Variants in CCDC192 observed in about 807,000 individuals in gnomAD.
The protein encoded by CCDC192 is coiled-coil domain-containing protein 192.
intron 3 of CCDC192, among the ~76,000 whole-genome samples, chr5:127,756,111 C>T (rs915373278): frequency 3.3e-5 from 5 of 150,472 alleles, no homozygotes; most frequent in South Asian, 4.2e-4. Context: ...CCAGCCTGGG[C>T]GACAGAGCCA....
chr5:127,713,314 A>G (rs947843610), intron 2 of CCDC192, among the ~76,000 whole-genome samples: 1 of 152,050 alleles, frequency 6.6e-6, no homozygotes, highest in African/African-American at 2.4e-5. Context: ...CTTAATAGCT[A>G]ATGGTGTTGA....
intron 5 of CCDC192, among the ~76,000 whole-genome samples, chr5:127,863,982 G>A (rs1259399988): frequency 1.3e-5 from 2 of 152,166 alleles, no homozygotes; most frequent in Non-Finnish European, 2.9e-5. Flanking sequence ...CTGGCCTTGG[G>A]TCAGCCTCAC....
At chr5:127,820,108 TGAGACTGAACAAA>T (rs1464122719) in intron 5 of CCDC192, among the ~76,000 whole-genome samples, 1 of 152,268 alleles carries the variant, frequency 6.6e-6, no homozygotes, top group African/African-American at 2.4e-5. Context: ...ATTATGTGTG[TGAGACTGAACAAA>T]GATAATTTCC....
intron 6 of CCDC192, among the ~76,000 whole-genome samples, chr5:127,894,931 A>T (rs1752836070): frequency 6.6e-6 from 1 of 152,196 alleles, no homozygotes; most frequent in Admixed American, 6.5e-5. Flanking sequence ...TGCAAACAAG[A>T]TTTCCAGCTT....
At chr5:127,817,297 A>G (rs987067850) in intron 5 of CCDC192, among the ~76,000 whole-genome samples, 4 of 152,216 alleles carry the variant, frequency 2.6e-5, no homozygotes, top group Non-Finnish European at 5.9e-5. Flanking sequence ...TCCTAGGTAT[A>G]TACTGCAGAG....
At chr5:127,839,899 T>A (rs928693421) in intron 5 of CCDC192, among the ~76,000 whole-genome samples, 1 of 151,884 alleles carries the variant, frequency 6.6e-6, no homozygotes, top group Admixed American at 6.6e-5. Context: ...TGAAAAAAAA[T>A]GCATCAGAGC....
chr5:127,801,170 C>A (rs1757490430), intron 5 of CCDC192, among the ~76,000 whole-genome samples: 1 of 152,064 alleles, frequency 6.6e-6, no homozygotes, highest in Admixed American at 6.6e-5. Flanking sequence ...ATTTAAAAAC[C>A]AGGGTGGTAG....
At chr5:127,753,179 G>C (rs1406397303) in intron 2 of CCDC192, among the ~76,000 whole-genome samples, 2 of 152,172 alleles carry the variant, frequency 1.3e-5, no homozygotes, top group East Asian at 3.9e-4. Flanking sequence ...GCTGCAGCAG[G>C]AGTATTCACA....
chr5:127,859,917 C>T (rs1328088439), intron 5 of CCDC192, among the ~76,000 whole-genome samples: 1 of 152,024 alleles, frequency 6.6e-6, no homozygotes, highest in Non-Finnish European at 1.5e-5. Context: ...AGTCTTTTTG[C>T]CTTCTTTTTA....
intron 6 of CCDC192, among the ~76,000 whole-genome samples, chr5:127,880,831 C>T (rs2006195): frequency 0.71 from 108,151 of 151,448 alleles, 39,029 homozygotes; most frequent in African/African-American, 0.83. Context: ...AATACAAAAA[C>T]TAGCTGGATA....
At chr5:127,759,233 CT>C (rs948941118) in intron 3 of CCDC192, among the ~76,000 whole-genome samples, 1 of 152,178 alleles carries the variant, frequency 6.6e-6, no homozygotes, top group African/African-American at 2.4e-5. Context: ...GTATCTGTCC[CT>C]CTGTCCCTTT....
At chr5:127,769,083 C>T (rs928338203) in intron 3 of CCDC192, among the ~76,000 whole-genome samples, 1 of 152,146 alleles carries the variant, frequency 6.6e-6, no homozygotes, top group Non-Finnish European at 1.5e-5. Context: ...GAGAACTATT[C>T]TGCAATATTA....
chr5:127,922,030 C>T (rs886158653), intron 6 of CCDC192, among the ~76,000 whole-genome samples: 17 of 152,242 alleles, frequency 1.1e-4, no homozygotes, highest in Admixed American at 3.3e-4. Context: ...CCAATTTGGA[C>T]CTCAACGAAT....
chr5:127,861,235 T>C (rs556107564), intron 5 of CCDC192, among the ~76,000 whole-genome samples: 1 of 151,994 alleles, frequency 6.6e-6, no homozygotes, highest in South Asian at 2.1e-4. Flanking sequence ...TTTGAACTCC[T>C]GACCTCAGGT....
At chr5:127,745,161 T>A (rs1349269067) in intron 2 of CCDC192, among the ~76,000 whole-genome samples, 2 of 152,186 alleles carry the variant, frequency 1.3e-5, no homozygotes, top group African/African-American at 4.8e-5. Flanking sequence ...CAGACAGGAA[T>A]CTTTCTAGAT....
At chr5:127,742,528 C>T (rs1275344815) in intron 2 of CCDC192, among the ~76,000 whole-genome samples, 1 of 152,116 alleles carries the variant, frequency 6.6e-6, no homozygotes, top group East Asian at 1.9e-4. Flanking sequence ...GACTCTAGTT[C>T]TGGAAAGGTC....
Position 127,827,934 on chromosome 5 carries a change from C to A in CCDC192, c.411+29772C>A, listed in dbSNP as rs952183603. Among the ~76,000 whole-genome samples the A allele has an allele frequency of 1.1e-4, 16 of 152,220 alleles. No individual in the cohort carries two copies. The East Asian group carries it at 3.1e-3, about 29-fold the overall frequency. On this transcript the variant is annotated intron_variant, in intron 5 of 6. Transcript: ENST00000514853. The stretch of plus-strand genomic sequence containing the variant: ...ATTTTTTTTTCCTTTGAGACTGAGG[C>A]TCACTCTTGTTGCCCAGACTGGAGT...
At chr5:127,852,059 C>T (rs899985213) in intron 5 of CCDC192, among the ~76,000 whole-genome samples, 2 of 152,002 alleles carry the variant, frequency 1.3e-5, no homozygotes, top group Non-Finnish European at 2.9e-5. Context: ...TTTTATGGTC[C>T]CCTCTCTGCT....
intron 5 of CCDC192, among the ~76,000 whole-genome samples, chr5:127,808,321 ATATCTACCT>A (rs2126994171): frequency 6.6e-6 from 1 of 152,044 alleles, no homozygotes; most frequent in Non-Finnish European, 1.5e-5. Context: ...CTCACTTAGT[ATATCTACCT>A]TTTTTTTCAA....
Sources: gnomAD v4.1 joint callset for allele counts (sites outside exome capture counted in the v4.1 genomes callset) on GRCh38, gnomAD v4.1.1 for gene constraint, MANE v1.5 for transcripts, NCBI Gene and HGNC (gene_info 2026-07-23, HGNC 2026-07-21) for gene names.